Variants in HMCN1 observed in about 807,000 individuals in gnomAD.
HMCN1 encodes the protein hemicentin 1.
In HMCN1, 321 loss-of-function variants were observed where a neutral mutation model predicts 625.9. The ratio of observed to expected loss-of-function variants is 0.51; its 90% CI spans 0.47 to 0.56. HMCN1 has a LOEUF of 0.56. Ranked by LOEUF, HMCN1 falls within the 20% of genes least tolerant of loss-of-function variation. HMCN1 has a pLI of 0.00. For missense variants in HMCN1, 6,588 were observed against 6,887.3 expected, an observed-to-expected ratio of 0.96 and a Z score of 1.54; for synonymous variants, 2,425 against 2,417.6, an observed-to-expected ratio of 1.00 and a Z score of -0.09.
chr1:185,970,271 C>G, intron 14 of HMCN1, 64 bp from the exon 15 acceptor site: 1 of 1,453,432 alleles, frequency 6.9e-7, no homozygotes, highest in Admixed American at 1.7e-5. Context: ...GAAATTAAAC[C>G]AATAGCTGCA....
chr1:185,745,472 G>A (rs1358573115), intron 1 of HMCN1, among the ~76,000 whole-genome samples: 6 of 152,162 alleles, frequency 3.9e-5, no homozygotes, highest in Non-Finnish European at 7.4e-5. Flanking sequence ...TCCCGAATAT[G>A]TAACCTCATG....
At chr1:185,966,587 T>A (rs1035366118) in intron 14 of HMCN1, among the ~76,000 whole-genome samples, 3 of 152,158 alleles carry the variant, frequency 2.0e-5, no homozygotes, top group African/African-American at 4.8e-5. Context: ...TCTGCTTCTG[T>A]TTCAGTTCTT....
intron 15 of HMCN1, among the ~76,000 whole-genome samples, chr1:185,975,629 A>G (rs1045825715): frequency 1.3e-5 from 2 of 152,192 alleles, no homozygotes; most frequent in Admixed American, 1.3e-4. Flanking sequence ...GCTATGAGCT[A>G]TTCTATTAAC....
intron 15 of HMCN1, among the ~76,000 whole-genome samples, chr1:185,975,231 CG>C (rs1476959005): frequency 1.3e-5 from 2 of 152,062 alleles, no homozygotes; most frequent in Non-Finnish European, 2.9e-5. Flanking sequence ...TGTATTCGTC[CG>C]TTCTCACATT....
intron 45 of HMCN1, 118 bp downstream of exon 45, chr1:186,055,792 A>T: frequency 1.0e-6 from 1 of 995,186 alleles, no homozygotes; most frequent in Non-Finnish European, 1.6e-6. Flanking sequence ...CATTTTAAAC[A>T]TATATACCTT....
At chr1:186,112,610 T>C (rs1304816319) in intron 71 of HMCN1, among the ~76,000 whole-genome samples, 1 of 152,234 alleles carries the variant, frequency 6.6e-6, no homozygotes, top group Non-Finnish European at 1.5e-5. Flanking sequence ...TTGGGCATAC[T>C]GCCTCTGCCT....
intron 73 of HMCN1, among the ~76,000 whole-genome samples, 159 bp downstream of exon 73, chr1:186,114,282 A>G (rs1445838082): frequency 6.6e-6 from 1 of 151,862 alleles, no homozygotes; most frequent in East Asian, 1.9e-4. Context: ...TCTGAGACAG[A>G]GTCTTGCTCT....
At chr1:185,971,202 C>T (rs1650803824) in intron 15 of HMCN1, among the ~76,000 whole-genome samples, 1 of 152,150 alleles carries the variant, frequency 6.6e-6, no homozygotes, top group African/African-American at 2.4e-5. Flanking sequence ...TATACTTTGG[C>T]CCAAGATCAT....
intron 100 of HMCN1, among the ~76,000 whole-genome samples, chr1:186,167,275 A>T (rs182845990): frequency 6.6e-6 from 1 of 152,224 alleles, no homozygotes; most frequent in Non-Finnish European, 1.5e-5. Context: ...AATCTATTTC[A>T]TAAAATTCCA....
At chr1:185,806,051 G>A (rs1374294940) in intron 1 of HMCN1, among the ~76,000 whole-genome samples, 2 of 151,642 alleles carry the variant, frequency 1.3e-5, no homozygotes, top group African/African-American at 2.4e-5. Context: ...GTGAATCCAA[G>A]CATGTACAAA....
intron 2 of HMCN1, among the ~76,000 whole-genome samples, chr1:185,856,322 C>G (rs1319778997): frequency 1.3e-5 from 2 of 151,896 alleles, no homozygotes; most frequent in Non-Finnish European, 2.9e-5. Flanking sequence ...AACGCTGTCT[C>G]TACTAAAAAA....
chr1:185,843,999 A>G (rs1293475641), intron 1 of HMCN1, among the ~76,000 whole-genome samples: 2 of 152,090 alleles, frequency 1.3e-5, no homozygotes, highest in Admixed American at 1.3e-4. Context: ...ACTCTTTATT[A>G]TGATATAATT....
chr1:185,744,611 A>G (rs1301068746), intron 1 of HMCN1, among the ~76,000 whole-genome samples: 1 of 152,218 alleles, frequency 6.6e-6, no homozygotes, highest in African/African-American at 2.4e-5. Context: ...ATAAATTACA[A>G]TATACTATAC....
intron 46 of HMCN1, among the ~76,000 whole-genome samples, chr1:186,059,531 T>C (rs907378881): frequency 2.0e-5 from 3 of 152,082 alleles, no homozygotes; most frequent in African/African-American, 7.2e-5. Flanking sequence ...TGATAAGTAT[T>C]TCACCTTGTG....
intron 1 of HMCN1, among the ~76,000 whole-genome samples, chr1:185,830,467 G>T (rs1406307573): frequency 1.3e-5 from 2 of 152,122 alleles, no homozygotes; most frequent in African/African-American, 4.8e-5. Flanking sequence ...TTCTGCATAT[G>T]GCTAGGCAGT....
chr1:185,932,562 G>A (rs891065356), intron 10 of HMCN1, among the ~76,000 whole-genome samples: 1 of 152,132 alleles, frequency 6.6e-6, no homozygotes, highest in Non-Finnish European at 1.5e-5. Context: ...TGAGCAGAGA[G>A]AGCTTTGGAG....
intron 103 of HMCN1, among the ~76,000 whole-genome samples, chr1:186,175,766 C>A (rs1162644942): frequency 6.6e-6 from 1 of 151,502 alleles, no homozygotes; most frequent in African/African-American, 2.4e-5. Context: ...CGCCTGTAAT[C>A]CCAGCTACTC....
At chr1:186,117,214 C>T (rs1661175895) in intron 76 of HMCN1, 99 bp downstream of exon 76, 1 of 1,495,838 alleles carries the variant, frequency 6.7e-7, no homozygotes, top group Non-Finnish European at 9.2e-7. Flanking sequence ...TTTTTTTAAA[C>T]ATTTATTTTA....
intron 1 of HMCN1, among the ~76,000 whole-genome samples, chr1:185,752,982 T>C (rs969993084): frequency 2.0e-5 from 3 of 152,124 alleles, no homozygotes; most frequent in Non-Finnish European, 4.4e-5. Context: ...GGAGCAGATG[T>C]AATGACCAGG....
Sources: gnomAD v4.1 joint callset for allele counts (sites outside exome capture counted in the v4.1 genomes callset) on GRCh38, gnomAD v4.1.1 for gene constraint, MANE v1.5 for transcripts, NCBI Gene and HGNC (gene_info 2026-07-23, HGNC 2026-07-21) for gene names.